The following BNC2 variants were observed in gnomAD, a reference collection of about 807,000 sequenced individuals.
BNC2 encodes the protein basonuclin zinc finger protein 2.
In BNC2, 20 loss-of-function variants were observed where a neutral mutation model predicts 76.3. The ratio of observed to expected loss-of-function variants is 0.26; its 90% confidence interval spans 0.18 to 0.38. BNC2 has a LOEUF of 0.38. Ranked by LOEUF, BNC2 falls within the 10% of genes least tolerant of loss-of-function variation. The pLI, the probability that BNC2 is intolerant of heterozygous loss-of-function variation, is 1.00. For missense variants in BNC2, 1,382 were observed against 1,399.8 expected, an observed-to-expected ratio of 0.99 and a Z score of 0.20; for synonymous variants, 582 against 514.8, an observed-to-expected ratio of 1.13 and a Z score of -1.77.
chr9:16,698,852 CG>C (rs1337149370), intron 3 of BNC2, among the ~76,000 whole-genome samples: 2 of 152,164 alleles, frequency 1.3e-5, no homozygotes, highest in African/African-American at 2.4e-5. Context: ...TGAAGAAAGA[CG>C]ACTAAAAATA....
chr9:16,483,432 C>G (rs1822099909), intron 5 of BNC2, among the ~76,000 whole-genome samples: 1 of 152,218 alleles, frequency 6.6e-6, no homozygotes, highest in South Asian at 2.1e-4. Flanking sequence ...GGTGGGCAAT[C>G]CAGTCCTTAA....
chr9:16,839,816 C>G (rs1818786388), intron 1 of BNC2, among the ~76,000 whole-genome samples: 2 of 152,166 alleles, frequency 1.3e-5, no homozygotes, highest in Admixed American at 1.3e-4. Flanking sequence ...AGGATTTTTA[C>G]AAATGATTAG....
chr9:16,593,515 C>T (rs1012807629), intron 3 of BNC2, among the ~76,000 whole-genome samples: 8 of 151,042 alleles, frequency 5.3e-5, no homozygotes, highest in South Asian at 2.1e-4. Context: ...TCAAAGCATA[C>T]GCAAGCTTTG....
intron 3 of BNC2, among the ~76,000 whole-genome samples, chr9:16,609,180 C>T (rs1445330965): frequency 6.6e-6 from 1 of 152,104 alleles, no homozygotes; most frequent in Admixed American, 6.5e-5. Flanking sequence ...GCTCAGAGAG[C>T]TTTTATAACA....
At chr9:16,498,384 G>A (rs1231990509) in intron 5 of BNC2, among the ~76,000 whole-genome samples, 2 of 150,792 alleles carry the variant, frequency 1.3e-5, no homozygotes, top group African/African-American at 4.9e-5. Context: ...GATGAGATTG[G>A]AGACTACTAT....
intron 3 of BNC2, among the ~76,000 whole-genome samples, chr9:16,686,974 A>G (rs978418777): frequency 3.9e-5 from 6 of 152,160 alleles, no homozygotes; most frequent in African/African-American, 1.4e-4. Flanking sequence ...TCACACGTGC[A>G]GGCCAATGCG....
intron 5 of BNC2, among the ~76,000 whole-genome samples, chr9:16,526,254 G>T (rs1360327395): frequency 6.6e-6 from 1 of 151,882 alleles, no homozygotes; most frequent in African/African-American, 2.4e-5. Flanking sequence ...CAAAGAATAT[G>T]GTATTTTTCT....
Position 16,811,237 on chromosome 9 carries a change from A to AAAAAAAAAAAAAAAAACC in BNC2, c.3+59408_3+59409insGGTTTTTTTTTTTTTTTT, listed in dbSNP as rs796981394. Among the ~76,000 whole-genome samples the AAAAAAAAAAAAAAAAACC allele has an allele frequency of 8.5e-3, 1,233 of 145,100 alleles. 31 individuals carry two copies. The highest frequency in any genetic ancestry group is 0.031 in the African/African-American group (1,167 of 37,494). On this transcript the variant is annotated intron_variant, in intron 1 of 6. Coordinates refer to ENST00000380672, the MANE Select transcript of BNC2 (RefSeq NM_017637.6). ...GACTTCGTCTCAAAAGACCAAAAAA[A>AAAAAAAAAAAAAAAAACC]AAAAAAACCAAAAAAACCACAGTGT...
rs895101527 is a variant in BNC2 at position 16,710,537 on chromosome 9, C to T, written c.330+17260G>A. 5.3e-5 allele frequency among the ~76,000 whole-genome samples: 8 copies of T among 152,184 alleles called. No homozygotes were observed. The South Asian group carries it at 1.0e-3, about 20-fold the overall frequency. On this transcript the variant is annotated intron_variant, in intron 3 of 6. Transcript: ENST00000380672. ...CCCTTTTCATAAAATCTTAGGAGACCGAACATATATTCTGGGCAGTGTGTT... is the reference window on the plus strand; with the variant it reads ...CCCTTTTCATAAAATCTTAGGAGACTGAACATATATTCTGGGCAGTGTGTT...
intron 3 of BNC2, among the ~76,000 whole-genome samples, chr9:16,584,155 T>C (rs1819704813): frequency 6.6e-6 from 1 of 152,112 alleles, no homozygotes; most frequent in Non-Finnish European, 1.5e-5. Flanking sequence ...AAGATCTCTC[T>C]GCAGATTTAG....
At chr9:16,563,638 A>T (rs1355065778) in intron 4 of BNC2, among the ~76,000 whole-genome samples, 2 of 152,226 alleles carry the variant, frequency 1.3e-5, no homozygotes, top group Admixed American at 6.5e-5. Flanking sequence ...GACTTCTAAG[A>T]AATGAATGAC....
chr9:16,789,216 T>A (rs1216537395), intron 1 of BNC2, among the ~76,000 whole-genome samples: 1 of 152,010 alleles, frequency 6.6e-6, no homozygotes, highest in Non-Finnish European at 1.5e-5. Context: ...TGCTAGGGAC[T>A]GGGGGTGGGA....
intron 3 of BNC2, chr9:16,626,435 A>C (rs1820994478): frequency 6.6e-6 from 1 of 152,198 alleles, no homozygotes; most frequent in Non-Finnish European, 1.5e-5. Flanking sequence ...CATGGTGCCC[A>C]CCCAGTGCAG....
chr9:16,779,610 A>G (rs929060857), intron 1 of BNC2, among the ~76,000 whole-genome samples: 2 of 152,212 alleles, frequency 1.3e-5, no homozygotes, highest in Admixed American at 6.5e-5. Context: ...CAACTGATGG[A>G]TAAATAAAAC....
chr9:16,636,995 C>T (rs537723857), intron 3 of BNC2, among the ~76,000 whole-genome samples: 1 of 151,612 alleles, frequency 6.6e-6, no homozygotes, highest in Non-Finnish European at 1.5e-5. Context: ...GAAAAACAAG[C>T]TAGAAGACCC....
chr9:16,703,867 T>C (rs1228258221), intron 3 of BNC2, among the ~76,000 whole-genome samples: 3 of 152,176 alleles, frequency 2.0e-5, no homozygotes, highest in African/African-American at 7.2e-5. Context: ...AGTTTTTTCT[T>C]ATAACTATTT....
At chr9:16,855,566 C>G (rs1055283335) in intron 1 of BNC2, among the ~76,000 whole-genome samples, 4 of 152,236 alleles carry the variant, frequency 2.6e-5, no homozygotes, top group African/African-American at 9.6e-5. Context: ...GAGACGGAGT[C>G]TCGCTCTGTC....
chr9:16,431,741 G>T (rs1292479754), intron 6 of BNC2, among the ~76,000 whole-genome samples: 2 of 152,210 alleles, frequency 1.3e-5, no homozygotes, highest in African/African-American at 2.4e-5. Context: ...TTCCACAGAT[G>T]TGAGTAGGGG....
chr9:16,502,703 C>T (rs762246230), intron 5 of BNC2, among the ~76,000 whole-genome samples: 9 of 151,994 alleles, frequency 5.9e-5, no homozygotes, highest in Non-Finnish European at 1.2e-4. Flanking sequence ...AAAGTCATAG[C>T]CAGAATTGCA....
Sources: allele counts gnomAD v4.1 joint callset (sites outside exome capture counted in the v4.1 genomes callset), GRCh38; gene constraint gnomAD v4.1.1; transcripts MANE v1.5; gene names NCBI Gene and HGNC (gene_info 2026-07-23, HGNC 2026-07-21).